JADE3: variants seen among roughly 807,000 people sequenced by gnomAD.
The protein encoded by JADE3 is protein Jade-3.
JADE3 carries 2 observed loss-of-function variants against 50.1 expected under a neutral mutation model. The observed-to-expected ratio is 0.04, with a 90% CI of 0.02 to 0.13. JADE3 has a LOEUF of 0.13. Among genes scored for constraint, JADE3 ranks in the 10% least tolerant of loss-of-function variants. The pLI is 1.00. For synonymous variants in JADE3, 218 were observed against 232.9 expected (o/e 0.94, Z 0.58); for missense variants, 475 against 634.4 (o/e 0.75, Z 2.70).
chrX:46,947,419 A>G (rs1926907749), intron 1 of JADE3, among the ~76,000 whole-genome samples: 1 of 111,683 alleles, frequency 9.0e-6, no homozygotes, highest in South Asian at 3.7e-4. Context: ...CTTACATAGG[A>G]ATTTCAAGCT....
At chrX:47,031,717 T>G (rs1241266127) in intron 6 of JADE3, among the ~76,000 whole-genome samples, 1 of 110,218 alleles carries the variant, frequency 9.1e-6, no homozygotes, top group Non-Finnish European at 1.9e-5. Flanking sequence ...CTACAAAAAT[T>G]AGCTGGGCAG....
intron 1 of JADE3, among the ~76,000 whole-genome samples, chrX:46,949,489 C>T (rs1926957993): frequency 8.9e-6 from 1 of 111,967 alleles, no homozygotes; most frequent in South Asian, 3.7e-4. Context: ...CATAAAGAGG[C>T]ACTTTGCCAA....
At chrX:47,002,908 A>G (rs184518564) in intron 4 of JADE3, among the ~76,000 whole-genome samples, 27 of 111,526 alleles carry the variant, frequency 2.4e-4, no homozygotes, top group African/African-American at 8.8e-4. Context: ...GTCTTTCAAT[A>G]TATTAAGTAT....
Position 47,061,147 on chromosome X carries a change from T to G in JADE3, c.*2070T>G, listed in dbSNP as rs928900252. ...ACCTTCTTTGTTAATTTTTTTCATT[T>G]TGTCTTATATAGTCCAGTTTTCCAA... is the stretch of plus-strand genomic sequence containing the variant. On this transcript the variant is annotated 3_prime_UTR_variant, in exon 11 of 11. Transcript: ENST00000614628. 1.3e-4 allele frequency: 15 copies of G among 112,212 alleles called. No homozygotes were observed. The highest frequency in any genetic ancestry group is 9.5e-4 in the Admixed American group (10 of 10,473). The allele number at this position is 112,212 out of a possible 1,213,427, so 9.2% of individuals were successfully genotyped here. A position where few individuals can be genotyped will look rare whatever the true frequency, so the allele number is the denominator to read the frequency against.
In JADE3 at chrX:47,058,954, T is replaced by C. The variant is rs782202887; in HGVS notation, c.2349T>C (p.Asn783=). The change falls in exon 11 of 11, where the codon AAT becomes AAC. Residue 783 remains asparagine, a synonymous_variant. Coordinates refer to ENST00000614628, the MANE Select transcript of JADE3 (RefSeq NM_014735.5). ...ATTCAGAGGCAGAAAGTGATGGGAATAAAGAAAAAGTCAGGGTAAGGAAAG... is the reference window on the plus strand; with the variant it reads ...ATTCAGAGGCAGAAAGTGATGGGAACAAAGAAAAAGTCAGGGTAAGGAAAG... The part of the protein sequence containing the change: ...LSDSEAESDG[N]KEKVRVRKDS... 7.4e-5 allele frequency: 90 copies of C among 1,208,547 alleles called. No homozygotes were observed. The Middle Eastern group carries it at 1.1e-3, about 15-fold the overall frequency.
At chrX:47,033,865 G>T in intron 7 of JADE3, 77 bp downstream of exon 7, 11 of 863,882 alleles carry the variant, frequency 1.3e-5, no homozygotes, top group Non-Finnish European at 1.7e-5. Context: ...ACTGACTCAG[G>T]CTCAGTATGG....
intron 4 of JADE3, among the ~76,000 whole-genome samples, chrX:46,999,793 C>T (rs1556358589): frequency 9.0e-6 from 1 of 110,562 alleles, no homozygotes; most frequent in East Asian, 2.8e-4. Context: ...TTTTTTCTTT[C>T]TGGTCTTTGT....
intron 4 of JADE3, among the ~76,000 whole-genome samples, chrX:46,999,630 C>G (rs1928235205): frequency 9.2e-6 from 1 of 109,184 alleles, no homozygotes; most frequent in African/African-American, 3.3e-5. Flanking sequence ...TGAGTTGACT[C>G]TAAGCACATG....
rs782699947 is a variant in JADE3 at position 47,060,532 on chromosome X, C to T, written c.*1455C>T. On this transcript the variant is annotated 3_prime_UTR_variant, in exon 11 of 11. Coordinates refer to ENST00000614628, the MANE Select transcript of JADE3 (RefSeq NM_014735.5). ...TGGAAAACTCAGCAGTTTTCCTCTC[C>T]CCCAGTTGTGTTCTTGTAACGTTGT... is the stretch of plus-strand genomic sequence containing the variant. The T allele has an allele frequency of 1.8e-5, 2 of 111,838 alleles. No individual in the cohort carries two copies. Among genetic ancestry groups the T allele is most frequent in the South Asian group, 3.8e-4 (1 of 2,629 alleles). 9.2% of individuals were successfully genotyped at this position (111,838 alleles called of 1,213,427 possible).
intron 3 of JADE3, among the ~76,000 whole-genome samples, chrX:46,990,632 TGTG>T (rs1179820878): frequency 9.0e-6 from 1 of 111,612 alleles, no homozygotes; most frequent in African/African-American, 3.3e-5. Flanking sequence ...AGACCTCTCA[TGTG>T]GTGTACATTG....
At chrX:47,032,946 A>G (rs1929052857) in intron 6 of JADE3, among the ~76,000 whole-genome samples, 1 of 111,611 alleles carries the variant, frequency 9.0e-6, no homozygotes, top group South Asian at 3.8e-4. Flanking sequence ...GGAGTCTAGA[A>G]TGTTTCCCAA....
Position 47,060,937 on chromosome X carries a change from G to A in JADE3, c.*1860G>A, listed in dbSNP as rs1556375178. On this transcript the variant is annotated 3_prime_UTR_variant, in exon 11 of 11. Coordinates refer to ENST00000614628, the MANE Select transcript of JADE3 (RefSeq NM_014735.5). ...GAGGAAAAGCAAACATCAAAACAGT[G>A]CTTCAGCCAAATTCCATATGTAATG... 2 of 112,034 alleles carry A rather than the reference G, an allele frequency of 1.8e-5. No homozygotes were observed. Among genetic ancestry groups the A allele is most frequent in the African/African-American group, 6.5e-5 (2 of 30,794 alleles). 9.2% of individuals were successfully genotyped at this position (112,034 alleles called of 1,213,427 possible).
chrX:47,008,840 T>C (rs1243209814), intron 4 of JADE3, among the ~76,000 whole-genome samples: 1 of 111,449 alleles, frequency 9.0e-6, no homozygotes, highest in Non-Finnish European at 1.9e-5. Flanking sequence ...GTGATGCTAG[T>C]TGTACAAATG....
intron 1 of JADE3, among the ~76,000 whole-genome samples, chrX:46,925,242 G>A (rs1313465255): frequency 4.5e-5 from 5 of 112,207 alleles, no homozygotes; most frequent in Non-Finnish European, 7.5e-5. Flanking sequence ...GGTTAATTTT[G>A]ATTACTATTT....
chrX:46,986,779 C>T (rs782504883), intron 3 of JADE3, among the ~76,000 whole-genome samples: 18 of 111,973 alleles, frequency 1.6e-4, no homozygotes, highest in African/African-American at 5.5e-4. Flanking sequence ...CAGCGTTCCT[C>T]TTGGACTTGA....
chrX:46,922,755 C>T (rs1206578672), intron 1 of JADE3, among the ~76,000 whole-genome samples: 1 of 110,718 alleles, frequency 9.0e-6, no homozygotes, highest in East Asian at 2.8e-4. Context: ...CTATTTTTTA[C>T]ATTAGAGTCT....
intron 1 of JADE3, among the ~76,000 whole-genome samples, chrX:46,954,166 C>T (rs781853053): frequency 9.0e-6 from 1 of 111,421 alleles, no homozygotes; most frequent in East Asian, 2.8e-4. Context: ...AGCTGCTTTT[C>T]CAGCATATTG....
At chrX:47,011,882 T>C (rs1394000439) in intron 4 of JADE3, among the ~76,000 whole-genome samples, 1 of 112,267 alleles carries the variant, frequency 8.9e-6, no homozygotes, top group African/African-American at 3.2e-5. Context: ...CTTTATGAGG[T>C]CAGAAAACAC....
At position 46,985,760 on chromosome X, in the gene JADE3, A is replaced by G. The variant is rs192950306; in HGVS notation, c.94A>G (p.Lys32Glu). The G allele has an allele frequency of 3.0e-5, 36 of 1,199,153 alleles. No homozygotes were observed. The highest frequency in any genetic ancestry group is 1.5e-4 in the Admixed American group (7 of 45,757). The stretch of plus-strand genomic sequence containing the variant: ...TGGCTCAATGTATAGGATCAAGTCA[A>G]AAATTCCAAATGAACACAAGAAACC... ...TSGSMYRIKS[K>E]IPNEHKKPAE... The change falls in exon 3 of 11, where the codon AAA becomes GAA. Residue 32 changes from lysine to glutamate, a missense_variant. By Grantham distance (56) the Lys-to-Glu change is moderately conservative (BLOSUM62 1). This residue lies in a region of JADE3 where 31 missense variants were observed against 29.3 expected (regional missense o/e 1.06). Transcript: ENST00000614628.
Sources: allele counts gnomAD v4.1 joint callset (sites outside exome capture counted in the v4.1 genomes callset), GRCh38; gene constraint gnomAD v4.1.1; regional missense constraint gnomAD v4.1.1; transcripts MANE v1.5; gene names NCBI Gene and HGNC (gene_info 2026-07-23, HGNC 2026-07-21).